Variants in SLC16A5 observed in about 807,000 individuals in gnomAD.
SLC16A5 encodes the protein monocarboxylate transporter 6.
SLC16A5 carries 29 observed loss-of-function variants against 33.2 expected under a neutral mutation model. That is an observed-to-expected ratio of 0.87 (90% CI 0.65 to 1.19). SLC16A5 has a LOEUF of 1.19. Ranked by LOEUF, SLC16A5 falls within the 50% of genes most tolerant of loss-of-function variation. SLC16A5 has a pLI of 0.00. For missense variants in SLC16A5, 606 were observed against 678.2 expected, an observed-to-expected ratio of 0.89 and a Z score of 1.18; for synonymous variants, 248 against 284.1, an observed-to-expected ratio of 0.87 and a Z score of 1.28.
intron 2 of SLC16A5, among the ~76,000 whole-genome samples, chr17:75,092,119 G>GGGC (rs1280442682): frequency 3.3e-5 from 5 of 151,896 alleles, no homozygotes; most frequent in African/African-American, 9.7e-5. Flanking sequence ...GTGTGACTCT[G>GGGC]AGCATGTATG....
chr17:75,104,822 G>A (rs1266528048), intron 6 of SLC16A5: 3 of 985,238 alleles, frequency 3.0e-6, no homozygotes, highest in African/African-American at 3.5e-5. Flanking sequence ...GGGTACCAGG[G>A]TACTCGGGGC....
At chr17:75,101,223 TG>T (rs2073794881) in intron 5 of SLC16A5, among the ~76,000 whole-genome samples, 1 of 145,242 alleles carries the variant, frequency 6.9e-6, no homozygotes, top group African/African-American at 2.6e-5. Context: ...CACTCCAGGC[TG>T]GGCAACAAAG....
chr17:75,104,711 A>G, intron 6 of SLC16A5: 7 of 947,204 alleles, frequency 7.4e-6, no homozygotes, highest in South Asian at 4.9e-5. Context: ...CAGCCTCCCA[A>G]AGTGCTGGGA....
intron 5 of SLC16A5, among the ~76,000 whole-genome samples, chr17:75,102,133 C>T (rs116573944): frequency 0.012 from 1,811 of 152,230 alleles, 13 homozygotes; most frequent in Middle Eastern, 0.017. Context: ...AAAATGCAGA[C>T]GAGAGCACCT....
chr17:75,092,742 T>A (rs1202621159), intron 2 of SLC16A5, among the ~76,000 whole-genome samples: 1 of 151,720 alleles, frequency 6.6e-6, no homozygotes, highest in East Asian at 1.9e-4. Flanking sequence ...GTCTGTATGT[T>A]TCTGTGCTTG....
At chr17:75,087,540 C>T (rs2073584138), upstream of SLC16A5, among the ~76,000 whole-genome samples, 1 of 152,228 alleles carries the variant, frequency 6.6e-6, no homozygotes, top group African/African-American at 2.4e-5. Flanking sequence ...CTCCCACCGG[C>T]AGGCGCAGCC....
At chr17:75,092,026 G>GTGTGT (rs1555644925) in intron 2 of SLC16A5, among the ~76,000 whole-genome samples, 80 of 61,790 alleles carry the variant, frequency 1.3e-3, no homozygotes, top group Non-Finnish European at 1.6e-3. Context: ...AGATGTGAGG[G>GTGTGT]GGGTGTGTGT....
In SLC16A5 at chr17:75,106,130, C is replaced by G; in HGVS notation, c.*97C>G. 1.9e-6 allele frequency: 1 copy of G among 528,088 alleles called. No homozygotes were observed. The highest frequency in any genetic ancestry group is 4.1e-5 in the South Asian group (1 of 24,132). 32.7% of individuals were successfully genotyped at this position (528,088 alleles called of 1,614,324 possible). ...AAAGTAGGAGGTTACTTTGTTAGAGCAAAATAATAAAATTTAATTTTAAAA... is the reference window on the plus strand; with the variant it reads ...AAAGTAGGAGGTTACTTTGTTAGAGGAAAATAATAAAATTTAATTTTAAAA... On this transcript the variant is annotated 3_prime_UTR_variant, in exon 7 of 7. Transcript: ENST00000329783.
Position 75,106,128 on chromosome 17 carries a change from A to T in SLC16A5, c.*95A>T. ...AAAAAGTAGGAGGTTACTTTGTTAGAGCAAAATAATAAAATTTAATTTTAA... is the reference window on the plus strand; with the variant it reads ...AAAAAGTAGGAGGTTACTTTGTTAGTGCAAAATAATAAAATTTAATTTTAA... On this transcript the variant is annotated 3_prime_UTR_variant, in exon 7 of 7. Coordinates refer to ENST00000329783, the MANE Select transcript of SLC16A5 (RefSeq NM_004695.4). 1.9e-6 allele frequency: 1 copy of T among 539,590 alleles called. No homozygotes were observed. Among genetic ancestry groups the T allele is most frequent in the Non-Finnish European group, 3.2e-6 (1 of 313,228 alleles). 33.4% of individuals were successfully genotyped at this position (539,590 alleles called of 1,614,324 possible).
Position 75,100,188 on chromosome 17 carries a change from C to A in SLC16A5, c.525C>A (p.Phe175Leu). 1.9e-6 allele frequency: 3 copies of A among 1,614,230 alleles called. No homozygotes were observed. In the East Asian group the frequency reaches 6.7e-5, roughly 36 times the overall value. ...NLGWRGTFLV[F>L]GGIFLHCCIC... ...GCTGGAGGGGTACCTTCCTTGTCTT[C>A]GGCGGGATCTTTCTCCACTGCTGCA... The change falls in exon 5 of 7, where the codon TTC becomes TTA. Residue 175 changes from phenylalanine to leucine, a missense_variant. Physicochemically the swap from Phe to Leu is conservative, Grantham distance 22 (BLOSUM62 0). Transcript: ENST00000329783.
At chr17:75,110,120 T>C (rs1034150981), downstream of SLC16A5, 11 of 651,824 alleles carry the variant, frequency 1.7e-5, no homozygotes, top group African/African-American at 9.1e-5. Context: ...CCATATCCCA[T>C]TTCCAGCTGC....
intron 2 of SLC16A5, among the ~76,000 whole-genome samples, chr17:75,090,695 G>A (rs535000002): frequency 2.6e-5 from 4 of 151,706 alleles, no homozygotes; most frequent in African/African-American, 7.3e-5. Flanking sequence ...TCCTGACCTC[G>A]TGATCCGCCT....
chr17:75,110,125 A>G (rs1201405223), downstream of SLC16A5: 2 of 658,974 alleles, frequency 3.0e-6, no homozygotes, highest in African/African-American at 3.6e-5. Flanking sequence ...TCCCATTTCC[A>G]GCTGCAAATT....
At chr17:75,109,214 C>T (rs2073886945), downstream of SLC16A5, among the ~76,000 whole-genome samples, 1 of 152,216 alleles carries the variant, frequency 6.6e-6, no homozygotes. The surrounding 1 kb of genome is among the most constrained non-coding windows in gnomAD (Gnocchi z 5.0). Context: ...ACAATCAAGG[C>T]TCCTCCTCGG....
rs2073811734 is a variant in SLC16A5 at position 75,102,444 on chromosome 17, C to T, written c.1154-1526C>T. ...AAGGTCCCCATCCCCTGGGGGATTA[C>T]CTTCTAGGGCAGGAGTCAGGAGTGA... On this transcript the variant is annotated intron_variant, in intron 5 of 6. Coordinates refer to ENST00000329783, the MANE Select transcript of SLC16A5 (RefSeq NM_004695.4). Among the ~76,000 whole-genome samples, 6 of 152,264 alleles carry T rather than the reference C, an allele frequency of 3.9e-5. 1 individual carries two copies. In the South Asian group the frequency reaches 1.2e-3, roughly 32 times the overall value.
Position 75,098,100 on chromosome 17 carries a change from G to T in SLC16A5, c.262G>T (p.Val88Leu). 1 of 1,610,348 alleles carries T rather than the reference G, an allele frequency of 6.2e-7. No individual in the cohort carries two copies. Among genetic ancestry groups the T allele is most frequent in the Non-Finnish European group, 8.5e-7 (1 of 1,178,562 alleles). The change falls in exon 4 of 7, where the codon GTG becomes TTG. Residue 88 changes from valine (V) to leucine (L), a missense_variant. Transcript: ENST00000329783. ...CCGAGTGACCGTGATGCTGGGGGGC[G>T]TGCTGGCCAGCCTGGGCATGGTGGC... Reference protein sequence around the residue: ...GCRVTVMLGGVLASLGMVASS... With the variant: ...GCRVTVMLGGLLASLGMVASS...
At position 75,101,343 on chromosome 17, in the gene SLC16A5, G is replaced by A. The variant is rs1258888446; in HGVS notation, c.1153+527G>A. On this transcript the variant is annotated intron_variant, in intron 5 of 6. Transcript: ENST00000329783. ...TGGGAGGCTGAGGCGGGTGGATCAC[G>A]AGGTCAGGAGATCGAGACCAACATG... Among the ~76,000 whole-genome samples, 3 of 151,096 alleles carry A rather than the reference G, an allele frequency of 2.0e-5. No individual in the cohort carries two copies. In the East Asian group the frequency reaches 5.9e-4, roughly 30 times the overall value.
intron 4 of SLC16A5, among the ~76,000 whole-genome samples, chr17:75,098,898 G>A (rs575488623): frequency 1.3e-5 from 2 of 152,238 alleles, no homozygotes; most frequent in African/African-American, 4.8e-5. Flanking sequence ...GGGCAGCTGA[G>A]CATAAGGATA....
In SLC16A5 at chr17:75,105,466, G is replaced by A. The variant is rs865777550; in HGVS notation, c.1365-414G>A. 43 of 985,228 alleles carry A rather than the reference G, an allele frequency of 4.4e-5. No individual in the cohort carries two copies. The Middle Eastern group carries it at 2.1e-3, about 47-fold the overall frequency. 61.0% of individuals were successfully genotyped at this position (985,228 alleles called of 1,614,324 possible). On this transcript the variant is annotated intron_variant, in intron 6 of 6. Transcript: ENST00000329783. The stretch of plus-strand genomic sequence containing the variant: ...TCCAGAGGCCCCCCTTTTCCCTGCC[G>A]TGTTATTGGTGTCAACCCTGGGGTA...
Sources: gnomAD v4.1 joint callset for allele counts (sites outside exome capture counted in the v4.1 genomes callset) on GRCh38, gnomAD v4.1.1 for gene constraint, Gnocchi (gnomAD v3.1) non-coding constraint, MANE v1.5 for transcripts, NCBI Gene and HGNC (gene_info 2026-07-23, HGNC 2026-07-21) for gene names.